TMEM244: variants seen among roughly 807,000 people sequenced by gnomAD.
TMEM244 encodes the protein transmembrane protein 244, also known as putative transmembrane protein 244.
Under a neutral mutation model 15.8 loss-of-function variants are expected in TMEM244, and 13 were observed. The observed-to-expected ratio is 0.82, with a 90% CI of 0.53 to 1.30. The LOEUF is 1.30. Ranked by LOEUF, TMEM244 falls within the 50% of genes most tolerant of loss-of-function variation. The pLI is 0.00. For missense variants in TMEM244, 161 were observed against 144.9 expected, an observed-to-expected ratio of 1.11 and a Z score of -0.57; for synonymous variants, 45 against 48.7, an observed-to-expected ratio of 0.92 and a Z score of 0.32.
intron 1 of TMEM244, among the ~76,000 whole-genome samples, chr6:129,860,852 A>T (rs1202512471): frequency 2.6e-5 from 4 of 152,064 alleles, no homozygotes; most frequent in African/African-American, 7.2e-5. Flanking sequence ...ACAAACTGTC[A>T]TGATTTCAGA....
intron 2 of TMEM244, among the ~76,000 whole-genome samples, chr6:129,844,858 T>C (rs1230661411): frequency 6.6e-6 from 1 of 152,202 alleles, no homozygotes; most frequent in Non-Finnish European, 1.5e-5. Flanking sequence ...TTTTGATAGT[T>C]GCATATTGGT....
intron 2 of TMEM244, among the ~76,000 whole-genome samples, chr6:129,844,161 A>G (rs1417232057): frequency 1.3e-5 from 2 of 152,222 alleles, no homozygotes; most frequent in African/African-American, 4.8e-5. Context: ...CTAAGCAGAA[A>G]AAAGTGAAGT....
intron 1 of TMEM244, among the ~76,000 whole-genome samples, chr6:129,857,876 A>T (rs903604965): frequency 6.6e-6 from 1 of 151,110 alleles, no homozygotes; most frequent in Admixed American, 6.6e-5. Context: ...CTGATCAGAC[A>T]AAATCATTAG....
chr6:129,848,701 T>C (rs750621647), intron 1 of TMEM244, among the ~76,000 whole-genome samples: 6 of 152,168 alleles, frequency 3.9e-5, no homozygotes, highest in Non-Finnish European at 8.8e-5. Flanking sequence ...TGCTGGGAGA[T>C]GGGTATGTAA....
chr6:129,861,250 A>G lies in TMEM244; in HGVS notation c.-62T>C. ...ACTCCTTATAGCGATGACATCTGGA[A>G]GAAGACACAATTGTCACCGTGAGCT... On this transcript the variant is annotated 5_prime_UTR_variant, in exon 1 of 5. Coordinates refer to ENST00000368143, the MANE Select transcript of TMEM244 (RefSeq NM_001010876.2). 6.3e-7 allele frequency: 1 copy of G among 1,580,852 alleles called. No individual in the cohort carries two copies.
At chr6:129,848,354 C>CG (rs1440341934) in intron 1 of TMEM244, among the ~76,000 whole-genome samples, 2 of 152,216 alleles carry the variant, frequency 1.3e-5, no homozygotes, top group Non-Finnish European at 2.9e-5. Flanking sequence ...CACAGGGCCA[C>CG]GTGCCCATTA....
chr6:129,845,920 G>T, intron 1 of TMEM244, 68 bp from the exon 2 acceptor site: 2 of 1,040,024 alleles, frequency 1.9e-6, no homozygotes, highest in South Asian at 1.4e-5. Context: ...TAACTATTTT[G>T]ACAAAAGATG....
At position 129,831,506 on chromosome 6, in the gene TMEM244, T is replaced by C. The variant is rs145319285; in HGVS notation, c.320-120A>G. 5,516 of 697,284 alleles carry C rather than the reference T, an allele frequency of 7.9e-3. 36 individuals carry two copies. Among genetic ancestry groups the C allele is most frequent in the Non-Finnish European group, 0.011 (4,455 of 401,812 alleles). The allele number at this position is 697,284 out of a possible 1,614,324, so 43.2% of individuals were successfully genotyped here. ...ACAAGAGAAGGTTTATCCATGTTCA[T>C]GAAATCAGGTAGCCCCAAGTTGTAC... On this transcript the variant is annotated intron_variant, in intron 4 of 4. Transcript: ENST00000368143.
At chr6:129,860,657 T>TA (rs1776795404) in intron 1 of TMEM244, among the ~76,000 whole-genome samples, 1 of 152,102 alleles carries the variant, frequency 6.6e-6, no homozygotes, top group Admixed American at 6.6e-5. Flanking sequence ...GATTTTTTTT[T>TA]AAAGGGGTAT....
chr6:129,833,416 GT>G, intron 4 of TMEM244, 43 bp downstream of exon 4: 1 of 1,595,044 alleles, frequency 6.3e-7, no homozygotes, highest in South Asian at 1.1e-5. Context: ...TCCAACATCT[GT>G]TTTAATACAT....
At chr6:129,851,461 G>T (rs938696723) in intron 1 of TMEM244, among the ~76,000 whole-genome samples, 3 of 152,064 alleles carry the variant, frequency 2.0e-5, no homozygotes, top group African/African-American at 7.2e-5. Context: ...GTAGAGACGG[G>T]GTTTCACCAT....
intron 3 of TMEM244, among the ~76,000 whole-genome samples, chr6:129,836,310 G>C (rs917957532): frequency 6.6e-6 from 1 of 152,136 alleles, no homozygotes; most frequent in African/African-American, 2.4e-5. Context: ...AACCCCAACA[G>C]ATCTGCAGCT....
intron 3 of TMEM244, among the ~76,000 whole-genome samples, chr6:129,836,847 G>A (rs1306278042): frequency 6.6e-6 from 1 of 152,064 alleles, no homozygotes; most frequent in Non-Finnish European, 1.5e-5. Flanking sequence ...TCAAATTAAT[G>A]AAATAAAGTG....
chr6:129,842,348 TAA>T (rs1184252437), intron 3 of TMEM244, among the ~76,000 whole-genome samples: 1 of 152,202 alleles, frequency 6.6e-6, no homozygotes, highest in African/African-American at 2.4e-5. Context: ...AAAGTTAAGA[TAA>T]AGTCTTAGAC....
chr6:129,861,030 G>A (rs1249808110), intron 1 of TMEM244, 126 bp downstream of exon 1: 1 of 997,054 alleles, frequency 1.0e-6, no homozygotes, highest in East Asian at 2.4e-5. Flanking sequence ...AATGTTTTCT[G>A]TATGGTACCC....
chr6:129,835,913 A>G (rs1407811529), intron 3 of TMEM244, among the ~76,000 whole-genome samples: 2 of 152,178 alleles, frequency 1.3e-5, no homozygotes, highest in Admixed American at 6.5e-5. Flanking sequence ...GCCTGGAAGC[A>G]CGAACTGGGT....
At chr6:129,858,351 T>G (rs1380832742) in intron 1 of TMEM244, among the ~76,000 whole-genome samples, 1 of 152,198 alleles carries the variant, frequency 6.6e-6, no homozygotes, top group East Asian at 1.9e-4. Context: ...CTAGTCCTTC[T>G]GTAATAGCCT....
At chr6:129,856,694 T>TTTAAG (rs1776717989) in intron 1 of TMEM244, among the ~76,000 whole-genome samples, 1 of 152,126 alleles carries the variant, frequency 6.6e-6, no homozygotes, top group African/African-American at 2.4e-5. Context: ...GCTAGTCATC[T>TTTAAG]CTCCTTTTTC....
At chr6:129,835,418 AAG>A (rs1554206493) in intron 3 of TMEM244, among the ~76,000 whole-genome samples, 4 of 150,010 alleles carry the variant, frequency 2.7e-5, no homozygotes, top group African/African-American at 9.8e-5. Flanking sequence ...AAAAAAAAAA[AAG>A]AGTTATGGAG....
Sources: gnomAD v4.1 joint callset for allele counts (sites outside exome capture counted in the v4.1 genomes callset) on GRCh38, gnomAD v4.1.1 for gene constraint, MANE v1.5 for transcripts, NCBI Gene and HGNC (gene_info 2026-07-23, HGNC 2026-07-21) for gene names.